The following PSAP variants were observed in gnomAD, a reference collection of about 807,000 sequenced individuals.
The protein encoded by PSAP is precursor of saposins.
A neutral mutation model predicts 66.0 loss-of-function variants in PSAP; 25 were observed. That is an observed-to-expected ratio of 0.38 (90% CI 0.28 to 0.53). The LOEUF is 0.53. Among genes scored for constraint, PSAP ranks in the 20% least tolerant of loss-of-function variants. The probability of loss-of-function intolerance (pLI) is 0.83; values close to 1 mark genes in which losing one functional copy is unlikely to be tolerated. For synonymous variants in PSAP, 273 were observed against 258.9 expected (o/e 1.05, Z -0.52); for missense variants, 649 against 668.8 (o/e 0.97, Z 0.33).
Position 71,846,709 on chromosome 10 carries a change from G to A in PSAP, c.40+4473C>T, listed in dbSNP as rs571481232. 2.1e-5 allele frequency among the ~76,000 whole-genome samples: 3 copies of A among 140,412 alleles called. No homozygotes were observed. In the Admixed American group the frequency reaches 2.3e-4, roughly 11 times the overall value. The allele number at this position is 140,412 out of a possible 152,430, so 92.1% of individuals were successfully genotyped here. A position where few individuals can be genotyped will look rare whatever the true frequency, so the allele number is the denominator to read the frequency against. ...ATGGTGCCACTGCACTCCAGCCTGG[G>A]CAACAGAGTAAGACCCTGTCTCAAA... is the stretch of plus-strand genomic sequence containing the variant. On this transcript the variant is annotated intron_variant, in intron 1 of 13. Transcript: ENST00000394936.
At chr10:71,833,004 G>A (rs1290949815) in intron 2 of PSAP, among the ~76,000 whole-genome samples, 4 of 102,056 alleles carry the variant, frequency 3.9e-5, no homozygotes, top group Non-Finnish European at 8.1e-5. Flanking sequence ...GCAACAGAGT[G>A]AGAGTCCATC....
intron 1 of PSAP, among the ~76,000 whole-genome samples, chr10:71,848,753 G>A (rs1223146006): frequency 6.6e-6 from 1 of 152,192 alleles, no homozygotes; most frequent in African/African-American, 2.4e-5. Context: ...TCATTATCAT[G>A]TCTAGAAATT....
chr10:71,836,643 G>C (rs1456711212), intron 1 of PSAP, among the ~76,000 whole-genome samples: 1 of 152,156 alleles, frequency 6.6e-6, no homozygotes, highest in Non-Finnish European at 1.5e-5. Flanking sequence ...CAGGAGACCA[G>C]AGCCAAGACA....
intron 1 of PSAP, among the ~76,000 whole-genome samples, chr10:71,850,443 G>T (rs1842906510): frequency 6.6e-6 from 1 of 151,946 alleles, no homozygotes; most frequent in African/African-American, 2.4e-5. Flanking sequence ...CCGCCGCTTT[G>T]AGTTGTTTCG....
intron 2 of PSAP, 92 bp from the exon 3 acceptor site, chr10:71,832,012 T>C (rs1272710152): frequency 8.0e-7 from 1 of 1,256,048 alleles, no homozygotes; most frequent in Non-Finnish European, 1.2e-6. Context: ...CGCTATTCTC[T>C]CTAACCAGGG....
chr10:71,828,614 C>T (rs749762497), intron 5 of PSAP, among the ~76,000 whole-genome samples: 4 of 152,166 alleles, frequency 2.6e-5, no homozygotes, highest in Non-Finnish European at 4.4e-5. Flanking sequence ...CACTGCACTC[C>T]AGCTTGGGTG....
chr10:71,829,051 A>G lies in PSAP; in HGVS notation c.402T>C (p.Ala134=), dbSNP rs1842459031. ...TCTGGAGAGACTCGCAGAGGTTGAG[A>G]GCAGAGCACACCTCCCCAGGACGGC... ...EMSRPGEVCS[A]LNLCESLQKH... is the part of the protein sequence containing the mutation. The change falls in exon 5 of 14, where the codon GCT becomes GCC. Residue 134 remains alanine, a synonymous_variant. Transcript: ENST00000394936. The G allele has an allele frequency of 1.9e-6, 3 of 1,614,090 alleles. No homozygotes were observed.
chr10:71,834,992 T>C (rs1842593305), intron 1 of PSAP, among the ~76,000 whole-genome samples: 1 of 152,088 alleles, frequency 6.6e-6, no homozygotes, highest in Admixed American at 6.5e-5. Flanking sequence ...ATCCCAGCAC[T>C]TTGGGAGGCC....
At chr10:71,826,576 A>T (rs138710854) in intron 6 of PSAP, among the ~76,000 whole-genome samples, 1 of 152,160 alleles carries the variant, frequency 6.6e-6, no homozygotes, top group Admixed American at 6.5e-5. Context: ...TTCCTAACGG[A>T]AAGTCAGAGA....
intron 9 of PSAP, 45 bp from the exon 10 acceptor site, chr10:71,819,945 A>G (rs1842264355): frequency 4.6e-6 from 7 of 1,533,474 alleles, no homozygotes; most frequent in Admixed American, 1.7e-5. Context: ...GAGGCCGGAC[A>G]AGGGTTGGGG....
chr10:71,824,644 C>G (rs1842365697), intron 7 of PSAP, among the ~76,000 whole-genome samples: 1 of 152,150 alleles, frequency 6.6e-6, no homozygotes, highest in African/African-American at 2.4e-5. Context: ...GTCATTTGTA[C>G]AAGAATATTC....
Position 71,828,797 on chromosome 10 carries a change from A to C in PSAP, c.576+80T>G, listed in dbSNP as rs553589631. 1.4e-4 allele frequency: 209 copies of C among 1,501,758 alleles called. 3 individuals carry two copies. The East Asian group carries it at 4.7e-3, about 34-fold the overall frequency. The allele number at this position is 1,501,758 out of a possible 1,614,324, so 93.0% of individuals were successfully genotyped here. A position where few individuals can be genotyped will look rare whatever the true frequency, so the allele number is the denominator to read the frequency against. On this transcript the variant is annotated intron_variant, in intron 5 of 13. Coordinates refer to ENST00000394936, the MANE Select transcript of PSAP (RefSeq NM_002778.4). ...GGATAAGCCCCAGTTTAAGAACCAC[A>C]CGTGCCCTCTCTGTCCCTTTGGTCT...
chr10:71,845,467 T>A (rs1160742797), intron 1 of PSAP, among the ~76,000 whole-genome samples: 4 of 152,192 alleles, frequency 2.6e-5, no homozygotes, highest in African/African-American at 9.7e-5. Flanking sequence ...CAGTAGAATA[T>A]ACTACTATTT....
At chr10:71,827,170 G>A (rs1842411908) in intron 6 of PSAP, among the ~76,000 whole-genome samples, 1 of 151,914 alleles carries the variant, frequency 6.6e-6, no homozygotes, top group African/African-American at 2.4e-5. Context: ...GCCGAGGCAG[G>A]CGGATCATGA....
intron 6 of PSAP, 23 bp downstream of exon 6, chr10:71,827,991 A>G (rs756105563): frequency 1.2e-5 from 19 of 1,613,990 alleles, no homozygotes; most frequent in East Asian, 4.5e-5. Context: ...AACATCCCCA[A>G]TGCACAAGGA....
intron 7 of PSAP, chr10:71,822,675 T>A (rs1181832790): frequency 6.4e-6 from 3 of 471,652 alleles, no homozygotes; most frequent in African/African-American, 2.0e-5. Context: ...GACACTCTGA[T>A]GGCCAAGAGT....
At chr10:71,829,193 C>T in intron 4 of PSAP, 116 bp from the exon 5 acceptor site, 4 of 1,021,974 alleles carry the variant, frequency 3.9e-6, no homozygotes, top group Middle Eastern at 2.3e-4. Flanking sequence ...GAAACACAAA[C>T]CTGTTGTCTA....
At chr10:71,838,984 T>C (rs1278451404) in intron 1 of PSAP, among the ~76,000 whole-genome samples, 1 of 152,148 alleles carries the variant, frequency 6.6e-6, no homozygotes, top group East Asian at 1.9e-4. Flanking sequence ...CCAAAAACAC[T>C]TTCTCGTGAG....
chr10:71,838,766 G>A (rs536975838), intron 1 of PSAP, among the ~76,000 whole-genome samples: 3 of 152,090 alleles, frequency 2.0e-5, no homozygotes, highest in Admixed American at 6.5e-5. Flanking sequence ...AGAAAAAAAA[G>A]AGAGAATGAG....
Sources: allele counts gnomAD v4.1 joint callset (sites outside exome capture counted in the v4.1 genomes callset), GRCh38; gene constraint gnomAD v4.1.1; transcripts MANE v1.5; gene names NCBI Gene and HGNC (gene_info 2026-07-23, HGNC 2026-07-21).